Variants in MAPRE1 observed in about 807,000 individuals in gnomAD.
MAPRE1 encodes the protein microtubule-associated protein RP/EB family member 1.
In MAPRE1, 5 loss-of-function variants were observed where a neutral mutation model predicts 32.1. That is an observed-to-expected ratio of 0.16 (90% confidence interval 0.08 to 0.33). The LOEUF (loss-of-function observed/expected upper bound fraction) is 0.33, where lower values mean the gene tolerates loss of function less well. MAPRE1 is among the 10% of genes least tolerant of loss of function. MAPRE1 has a pLI of 1.00. For missense variants in MAPRE1, 209 were observed against 327.2 expected (o/e 0.64, Z 2.79); for synonymous variants, 122 against 118.9 (o/e 1.03, Z -0.17).
intron 5 of MAPRE1, chr20:32,843,599 A>G (rs1323807192): frequency 6.6e-6 from 1 of 152,242 alleles, no homozygotes; most frequent in Non-Finnish European, 1.5e-5. Flanking sequence ...ATATAATCAA[A>G]TATAAATAAT....
chr20:32,835,364 G>GT lies in MAPRE1; in HGVS notation c.268-1254dup, dbSNP rs71190879. ...TTTTTGTGTGTGTGTTTTTATTGGTGTTTTTTTTTTTTTTTTGAGATGAGG... is the reference window on the plus strand; with the variant it reads ...TTTTTGTGTGTGTGTTTTTATTGGTGTTTTTTTTTTTTTTTTTGAGATGAGG... On this transcript the variant is annotated intron_variant, in intron 3 of 6. Coordinates refer to ENST00000375571, the MANE Select transcript of MAPRE1 (RefSeq NM_012325.3). Among the ~76,000 whole-genome samples, 417 of 106,630 alleles carry GT rather than the reference G, an allele frequency of 3.9e-3. 35 individuals carry two copies. The highest frequency in any genetic ancestry group is 0.014 in the African/African-American group (310 of 21,442). 70.0% of individuals were successfully genotyped at this position (106,630 alleles called of 152,430 possible). A position where few individuals can be genotyped will look rare whatever the true frequency, so the allele number is the denominator to read the frequency against.
intron 5 of MAPRE1, among the ~76,000 whole-genome samples, chr20:32,844,851 C>G (rs1165245845): frequency 6.6e-6 from 1 of 152,122 alleles, no homozygotes; most frequent in African/African-American, 2.4e-5. Context: ...TGGGGCTGGT[C>G]GGCTCTTGGC....
chr20:32,845,190 A>G (rs1460014746), intron 5 of MAPRE1, among the ~76,000 whole-genome samples: 1 of 151,932 alleles, frequency 6.6e-6, no homozygotes, highest in Non-Finnish European at 1.5e-5. Flanking sequence ...ATAGGCATAC[A>G]CCACCCTACC....
chr20:32,825,873 A>G (rs1982831024), intron 1 of MAPRE1, 52 bp from the exon 2 acceptor site: 4 of 1,496,376 alleles, frequency 2.7e-6, no homozygotes, highest in Non-Finnish European at 3.6e-6. Context: ...ACTTGACCTT[A>G]CTTGCATGCC....
At chr20:32,831,955 A>AG (rs1983039659) in intron 2 of MAPRE1, among the ~76,000 whole-genome samples, 1 of 151,866 alleles carries the variant, frequency 6.6e-6, no homozygotes, top group Non-Finnish European at 1.5e-5. Flanking sequence ...TTCAAAAAAA[A>AG]AAAAAAAAAC....
Position 32,829,416 on chromosome 20 carries a change from G to T in MAPRE1, c.121+3368G>T, listed in dbSNP as rs564211988. 2.6e-5 allele frequency among the ~76,000 whole-genome samples: 4 copies of T among 152,314 alleles called. No individual in the cohort carries two copies. In the East Asian group the frequency reaches 5.8e-4, roughly 22 times the overall value. On this transcript the variant is annotated intron_variant, in intron 2 of 6. Coordinates refer to ENST00000375571, the MANE Select transcript of MAPRE1 (RefSeq NM_012325.3). ...TTCACATTGGTGTTTAGAAAATGAG[G>T]TCTTGCTTCCAGTATGAGAGCAGAC...
At position 32,833,594 on chromosome 20, in the gene MAPRE1, G is replaced by A. The variant is rs939290471; in HGVS notation, c.122-123G>A. 6.5e-6 allele frequency: 5 copies of A among 770,370 alleles called. No individual in the cohort carries two copies. The East Asian group carries it at 1.0e-4, about 15-fold the overall frequency. 47.7% of individuals were successfully genotyped at this position (770,370 alleles called of 1,614,324 possible). A position where few individuals can be genotyped will look rare whatever the true frequency, so the allele number is the denominator to read the frequency against. On this transcript the variant is annotated intron_variant, in intron 2 of 6. Transcript: ENST00000375571. ...GAAATTGACTTCACATGAAGTTAGT[G>A]AAGCTTTTGGTTTTTGTAGGTCTAC...
intron 1 of MAPRE1, among the ~76,000 whole-genome samples, chr20:32,820,392 C>G (rs1410150453): frequency 6.6e-6 from 1 of 151,952 alleles, no homozygotes. Context: ...TCTGGGGACG[C>G]ACATTGTGGG....
intron 5 of MAPRE1, among the ~76,000 whole-genome samples, chr20:32,842,358 T>TA (rs1289078921): frequency 7.9e-5 from 12 of 152,234 alleles, no homozygotes; most frequent in Admixed American, 3.3e-4. Flanking sequence ...GTGCTAGCAT[T>TA]ACAGGCGTGA....
chr20:32,839,382 G>T (rs1307150899), intron 4 of MAPRE1, among the ~76,000 whole-genome samples: 1 of 152,236 alleles, frequency 6.6e-6, no homozygotes, highest in Non-Finnish European at 1.5e-5. Flanking sequence ...CCTGTTTGTG[G>T]ATTTGGTCAG....
chr20:32,847,034 A>T (rs1428865360), intron 6 of MAPRE1, among the ~76,000 whole-genome samples: 2 of 152,214 alleles, frequency 1.3e-5, no homozygotes, highest in Non-Finnish European at 2.9e-5. Flanking sequence ...AGTGCCACAA[A>T]CTGCTCTTAG....
In MAPRE1 at chr20:32,846,623, C is replaced by T. The variant is rs142439935; in HGVS notation, c.603C>T (p.Asn201=). The T allele has an allele frequency of 1.9e-4, 300 of 1,613,548 alleles. No homozygotes were observed. The highest frequency in any genetic ancestry group is 2.5e-4 in the Non-Finnish European group (290 of 1,179,710). ...DEAAELMQQV[N]VLKLTVEDLE... ...CTTTTTAATGTCTTGTGCAGGTCAA[C>T]GTATTGAAACTTACTGTTGAAGACT... The change falls in exon 6 of 7, where the codon AAC becomes AAT. Residue 201 remains asparagine (N), a synonymous_variant. Transcript: ENST00000375571.
rs71338460 is a variant in MAPRE1, at chr20:32,826,519, C to CTTTT, written c.121+493_121+496dup. ...ACAGGTGTGAGCCACCACGCCCGGCCTTTTTTTTTTTTTTTTTTTTTTTTT... is the reference window on the plus strand; with the variant it reads ...ACAGGTGTGAGCCACCACGCCCGGCCTTTTTTTTTTTTTTTTTTTTTTTTTTTTT... On this transcript the variant is annotated intron_variant, in intron 2 of 6. Coordinates refer to ENST00000375571, the MANE Select transcript of MAPRE1 (RefSeq NM_012325.3). 8.4e-3 allele frequency among the ~76,000 whole-genome samples: 390 copies of CTTTT among 46,546 alleles called. 34 individuals are homozygous for CTTTT. Among genetic ancestry groups the CTTTT allele is most frequent in the East Asian group, 0.022 (21 of 964 alleles). The allele number at this position is 46,546 out of a possible 152,430, so 30.5% of individuals were successfully genotyped here.
chr20:32,845,032 TATGAATGA>T (rs869190898), intron 5 of MAPRE1, among the ~76,000 whole-genome samples: 2 of 105,816 alleles, frequency 1.9e-5, no homozygotes. Context: ...TGTATGTATG[TATGAATGA>T]ATGAATGAAT....
chr20:32,820,045 G>C lies in MAPRE1; in HGVS notation c.-4+17G>C, dbSNP rs1982641803. Reference sequence around the variant, plus strand: ...CGAGAGCCGGTGAGCCGGCTAGCGGGCCCGGGGGGTGCGGCTGGGGGGGCG... The same window carrying C: ...CGAGAGCCGGTGAGCCGGCTAGCGGCCCCGGGGGGTGCGGCTGGGGGGGCG... On this transcript the variant is annotated intron_variant, in intron 1 of 6. Transcript: ENST00000375571. 1 of 152,394 alleles carries C rather than the reference G, an allele frequency of 6.6e-6. No individual in the cohort carries two copies. Among genetic ancestry groups the C allele is most frequent in the African/African-American group, 2.4e-5 (1 of 41,364 alleles). 9.4% of individuals were successfully genotyped at this position (152,394 alleles called of 1,614,324 possible). A position where few individuals can be genotyped will look rare whatever the true frequency, so the allele number is the denominator to read the frequency against.
intron 5 of MAPRE1, among the ~76,000 whole-genome samples, chr20:32,846,234 T>G (rs543736629): frequency 1.3e-3 from 199 of 152,310 alleles, no homozygotes; most frequent in African/African-American, 4.8e-3. Context: ...TCCTTTCTAT[T>G]GACCCCCTCA....
chr20:32,828,543 T>G (rs1982932647), intron 2 of MAPRE1, among the ~76,000 whole-genome samples: 2 of 152,262 alleles, frequency 1.3e-5, no homozygotes, highest in South Asian at 4.1e-4. Context: ...ATGTGACTTT[T>G]GACAAGACCC....
At chr20:32,842,826 C>T (rs1412444276) in intron 5 of MAPRE1, among the ~76,000 whole-genome samples, 2 of 152,192 alleles carry the variant, frequency 1.3e-5, no homozygotes, top group Non-Finnish European at 2.9e-5. Flanking sequence ...AACCACAACT[C>T]TTATGGGGGA....
At chr20:32,826,612 CG>C (rs1456261310) in intron 2 of MAPRE1, among the ~76,000 whole-genome samples, 5 of 140,606 alleles carry the variant, frequency 3.6e-5, no homozygotes, top group Non-Finnish European at 7.5e-5. Context: ...CTGCAACCTT[CG>C]CCTCCCGGGT....
Sources: allele counts gnomAD v4.1 joint callset (sites outside exome capture counted in the v4.1 genomes callset), GRCh38; gene constraint gnomAD v4.1.1; transcripts MANE v1.5; gene names NCBI Gene and HGNC (gene_info 2026-07-23, HGNC 2026-07-21).